The following INO80E variants were observed in gnomAD, a reference collection of about 807,000 sequenced individuals.
INO80E encodes the protein coiled-coil domain containing 95.
A neutral mutation model predicts 27.3 loss-of-function variants in INO80E; 20 were observed. That is an observed-to-expected ratio of 0.73 (90% CI 0.51 to 1.06). The LOEUF is 1.06. Among genes scored for constraint, INO80E ranks in the 50% least tolerant of loss-of-function variants. The probability of loss-of-function intolerance (pLI) is 0.00; values close to 1 mark genes in which losing one functional copy is unlikely to be tolerated. For missense variants in INO80E, 357 were observed against 322.8 expected (o/e 1.11, Z -0.81); for synonymous variants, 167 against 145.9 (o/e 1.14, Z -1.04).
At chr16:29,996,978 A>G in intron 3 of INO80E, 118 bp downstream of exon 3, 2 of 937,640 alleles carry the variant, frequency 2.1e-6, no homozygotes, top group Non-Finnish European at 3.4e-6. Context: ...CCTTAAGCCT[A>G]GTTGCTTGCC....
rs1469381901 is a variant in INO80E, at chr16:30,000,826, G to T, written c.274G>T (p.Ala92Ser). ...GACACCCAAGTTGTCTGACACACCG[G>T]CCCCTAAGAGGTGAGAAGAAGATGC... is the stretch of plus-strand genomic sequence containing the variant. ...EGTPKLSDTP[A>S]PKRKRSPPLG... The change falls in exon 4 of 7, where the codon GCC (alanine) becomes TCC (serine). Residue 92 changes from alanine (A) to serine (S), a missense_variant. Ala to Ser is a moderately conservative substitution (Grantham distance 99). Transcript: ENST00000563197. 1 of 1,614,116 alleles carries T rather than the reference G, an allele frequency of 6.2e-7. No individual in the cohort carries two copies. Among genetic ancestry groups the T allele is most frequent in the East Asian group, 2.2e-5 (1 of 44,890 alleles).
chr16:30,000,687 A>T, intron 3 of INO80E, 71 bp from the exon 4 acceptor site: 1 of 1,267,960 alleles, frequency 7.9e-7, no homozygotes, highest in Admixed American at 1.7e-5. Context: ...TCTGTAGTGT[A>T]GAGGAGGTTA....
chr16:30,004,868 G>A (rs1483419312), intron 6 of INO80E, among the ~76,000 whole-genome samples: 5 of 152,258 alleles, frequency 3.3e-5, no homozygotes, highest in South Asian at 4.1e-4. Context: ...TGGCACCTCC[G>A]GGGCCGGCAG....
intron 5 of INO80E, 80 bp downstream of exon 5, chr16:30,001,120 G>A (rs2070334581): frequency 1.0e-5 from 15 of 1,486,532 alleles, no homozygotes; most frequent in Admixed American, 2.4e-5. Flanking sequence ...CTCGGGGCAA[G>A]GCCAGCCCAA....
At position 30,000,112 on chromosome 16, in the gene INO80E, C is replaced by T. The variant is rs930754039; in HGVS notation, c.206-646C>T. ...GCCTCACACCTTACTTTCTGAGCCT[C>T]GGTGACCTCATGTGACAAGTGGAGG... On this transcript the variant is annotated intron_variant, in intron 3 of 6. Coordinates refer to ENST00000563197, the MANE Select transcript of INO80E (RefSeq NM_173618.3). Among the ~76,000 whole-genome samples, 5 of 152,128 alleles carry T rather than the reference C, an allele frequency of 3.3e-5. No homozygotes were observed. The South Asian group carries it at 8.3e-4, about 25-fold the overall frequency.
At chr16:29,996,721 C>T in intron 2 of INO80E, 87 bp from the exon 3 acceptor site, 4 of 1,590,068 alleles carry the variant, frequency 2.5e-6, no homozygotes, top group South Asian at 1.1e-5. Context: ...TTTCAAGTAT[C>T]CGATGGGCCA....
rs2070554584 is a variant in INO80E at position 30,005,664 on chromosome 16, G to T, written c.*222G>T. ...CCCTCCAGGGGACAGTTATTTAAACGAGTGGCCGGGAGCATCTGCCACCTG... is the reference window on the plus strand; with the variant it reads ...CCCTCCAGGGGACAGTTATTTAAACTAGTGGCCGGGAGCATCTGCCACCTG... On this transcript the variant is annotated 3_prime_UTR_variant, in exon 7 of 7. Coordinates refer to ENST00000563197, the MANE Select transcript of INO80E (RefSeq NM_173618.3). 1.8e-6 allele frequency: 1 copy of T among 564,208 alleles called. No individual in the cohort carries two copies. Among genetic ancestry groups the T allele is most frequent in the South Asian group, 2.3e-5 (1 of 42,732 alleles). The allele number at this position is 564,208 out of a possible 1,614,324, so 35.0% of individuals were successfully genotyped here.
rs575361669 is a variant in INO80E at position 30,001,378 on chromosome 16, T to C, written c.397-36T>C. 65 of 1,553,260 alleles carry C rather than the reference T, an allele frequency of 4.2e-5. No homozygotes were observed. The South Asian group carries it at 7.4e-4, about 18-fold the overall frequency. Reference sequence around the variant, plus strand: ...TTCCCCCACCCTCACCCCGGTCCATTCCGCCTCCCATCTCCATCCCCGCTC... The same window carrying C: ...TTCCCCCACCCTCACCCCGGTCCATCCCGCCTCCCATCTCCATCCCCGCTC... On this transcript the variant is annotated intron_variant, in intron 5 of 6. Transcript: ENST00000563197.
chr16:30,005,647 G>C lies in INO80E; in HGVS notation c.*205G>C. ...GCCTTCAAACCCCGGCCCCCTCCAG[G>C]GGACAGTTATTTAAACGAGTGGCCG... On this transcript the variant is annotated 3_prime_UTR_variant, in exon 7 of 7. Transcript: ENST00000563197. The C allele has an allele frequency of 1.7e-6, 1 of 591,418 alleles. No individual in the cohort carries two copies. The highest frequency in any genetic ancestry group is 2.9e-6 in the Non-Finnish European group (1 of 340,724). The allele number at this position is 591,418 out of a possible 1,614,324, so 36.6% of individuals were successfully genotyped here.
chr16:29,996,324 C>T lies in INO80E; in HGVS notation c.14C>T (p.Ala5Val), dbSNP rs2070108422. 1.3e-6 allele frequency: 2 copies of T among 1,595,148 alleles called. No individual in the cohort carries two copies. The highest frequency in any genetic ancestry group is 1.7e-6 in the Non-Finnish European group (2 of 1,171,080). ...CCCGGGCCGGTCATGAACGGGCCGG[C>T]GGACGGCGAAGTGGACTACAAAAAA... is the stretch of plus-strand genomic sequence containing the variant. MNGPADGEVDYKKKY... is the reference protein window; with the variant it reads MNGPVDGEVDYKKKY... The change falls in exon 1 of 7, where the codon GCG becomes GTG. Residue 5 changes from alanine to valine, a missense_variant. Coordinates refer to ENST00000563197, the MANE Select transcript of INO80E (RefSeq NM_173618.3).
chr16:30,000,018 C>T (rs896806337), intron 3 of INO80E, among the ~76,000 whole-genome samples: 2 of 152,118 alleles, frequency 1.3e-5, no homozygotes, highest in African/African-American at 4.8e-5. Flanking sequence ...TTGAAGACTG[C>T]TCAGCTCAGA....
At chr16:30,004,648 C>T (rs551475109) in intron 6 of INO80E, 36 of 155,348 alleles carry the variant, frequency 2.3e-4, no homozygotes, top group Non-Finnish European at 2.9e-4. Context: ...AGGCTGGGAC[C>T]GCAGCCCAGG....
Position 30,000,816 on chromosome 16 carries a change from T to C in INO80E, c.264T>C (p.Ser88=). Residue 88 remains serine (S), a synonymous_variant, in exon 4 of 7, where the codon TCT becomes TCC. Coordinates refer to ENST00000563197, the MANE Select transcript of INO80E (RefSeq NM_173618.3). The part of the protein sequence containing the change: ...NSETEGTPKL[S]DTPAPKRKRS... ...AGACGGAGGGGACACCCAAGTTGTC[T>C]GACACACCGGCCCCTAAGAGGTGAG... 1.2e-6 allele frequency: 2 copies of C among 1,614,178 alleles called. No homozygotes were observed. Among genetic ancestry groups the C allele is most frequent in the African/African-American group, 2.7e-5 (2 of 75,060 alleles).
At chr16:29,998,739 C>T (rs977753988) in intron 3 of INO80E, among the ~76,000 whole-genome samples, 2 of 152,126 alleles carry the variant, frequency 1.3e-5, no homozygotes, top group African/African-American at 4.8e-5. Context: ...CACCTCTCTC[C>T]GTGGTGCCTT....
At position 30,005,194 on chromosome 16, in the gene INO80E, C is replaced by A. The variant is rs1168351412; in HGVS notation, c.514-27C>A. ...GGCCCCAGTGCCTCCCTGACTAGTC[C>A]CCCTGTGTTTCTTCCCCCTGCTGCA... On this transcript the variant is annotated intron_variant, in intron 6 of 6. Coordinates refer to ENST00000563197, the MANE Select transcript of INO80E (RefSeq NM_173618.3). The A allele has an allele frequency of 4.9e-6, 7 of 1,439,792 alleles. No homozygotes were observed. In the South Asian group the frequency reaches 1.1e-4, roughly 22 times the overall value. The allele number at this position is 1,439,792 out of a possible 1,614,324, so 89.2% of individuals were successfully genotyped here.
rs143662477 is a variant in INO80E at position 30,005,444 on chromosome 16, C to T, written c.*2C>T. ...CTGGTGATCGACATCCCGGAGTGAC[C>T]GTGACATCACGCCATGCCCACCACG... On this transcript the variant is annotated 3_prime_UTR_variant, in exon 7 of 7. Coordinates refer to ENST00000563197, the MANE Select transcript of INO80E (RefSeq NM_173618.3). The T allele has an allele frequency of 6.3e-6, 10 of 1,592,282 alleles. No individual in the cohort carries two copies. In the African/African-American group the frequency reaches 6.7e-5, roughly 11 times the overall value.
intron 3 of INO80E, among the ~76,000 whole-genome samples, chr16:29,998,495 C>A (rs942277002): frequency 1.1e-4 from 17 of 152,104 alleles, no homozygotes; most frequent in African/African-American, 4.1e-4. Context: ...TAACCAGGGC[C>A]CCACATGTTA....
At chr16:29,996,692 G>A (rs2070132078) in intron 2 of INO80E, 75 bp downstream of exon 2, 1 of 1,585,556 alleles carries the variant, frequency 6.3e-7, no homozygotes, top group East Asian at 2.2e-5. Context: ...CCCGAGTAGG[G>A]CCACAAGTGC....
At chr16:29,999,640 C>G (rs905817150) in intron 3 of INO80E, 7 of 152,226 alleles carry the variant, frequency 4.6e-5, no homozygotes, top group African/African-American at 1.7e-4. Context: ...AAAGATGGCC[C>G]TTCTAGGCAG....
Sources: allele counts gnomAD v4.1 joint callset (sites outside exome capture counted in the v4.1 genomes callset), GRCh38; gene constraint gnomAD v4.1.1; transcripts MANE v1.5; gene names NCBI Gene and HGNC (gene_info 2026-07-23, HGNC 2026-07-21).